ITGA8: variants seen among roughly 807,000 people sequenced by gnomAD.
The protein encoded by ITGA8 is integrin subunit alpha 8, also known as integrin alpha-8.
In ITGA8, 91 loss-of-function variants were observed where a neutral mutation model predicts 142.3. The ratio of observed to expected loss-of-function variants is 0.64; its 90% CI spans 0.54 to 0.76. The LOEUF (loss-of-function observed/expected upper bound fraction) is 0.76. ITGA8 is among the 30% of genes least tolerant of loss of function. ITGA8 has a pLI of 0.00. For missense variants in ITGA8, 1,406 were observed against 1,327.7 expected (o/e 1.06, Z -0.92); for synonymous variants, 505 against 485.2 (o/e 1.04, Z -0.54).
chr10:15,701,719 G>A lies in ITGA8; in HGVS notation c.344-13681C>T, dbSNP rs1490058393. 9.2e-5 allele frequency among the ~76,000 whole-genome samples: 14 copies of A among 152,226 alleles called. No individual in the cohort carries two copies. In the East Asian group the frequency reaches 2.5e-3, roughly 27 times the overall value. The stretch of plus-strand genomic sequence containing the variant: ...ATAATTTTTGAAAACTATTTATAAA[G>A]CCCCTGACCCAGTAGAGAAAACAGT... On this transcript the variant is annotated intron_variant, in intron 2 of 29. Transcript: ENST00000378076.
At chr10:15,711,193 A>G (rs527634057) in intron 2 of ITGA8, among the ~76,000 whole-genome samples, 2 of 152,332 alleles carry the variant, frequency 1.3e-5, no homozygotes, top group East Asian at 3.9e-4. Flanking sequence ...GTTTGCATTC[A>G]CACTCTTCTT....
In ITGA8 at chr10:15,515,622, C is replaced by T. The variant is rs1235617936; in HGVS notation, c.*1536G>A. 4 of 148,764 alleles carry T rather than the reference C, an allele frequency of 2.7e-5. No individual in the cohort carries two copies. Among genetic ancestry groups the T allele is most frequent in the South Asian group, 4.3e-4 (2 of 4,658 alleles). The allele number at this position is 148,764 out of a possible 1,614,324, so 9.2% of individuals were successfully genotyped here. A position where few individuals can be genotyped will look rare whatever the true frequency, so the allele number is the denominator to read the frequency against. On this transcript the variant is annotated 3_prime_UTR_variant, in exon 30 of 30. Transcript: ENST00000378076. The stretch of plus-strand genomic sequence containing the variant: ...TTAGGAAATTAATTAAAAAAAAAAA[C>T]GCCAGTGTAAACATGCTTCAGATAC...
chr10:15,675,445 C>T, intron 6 of ITGA8, among the ~76,000 whole-genome samples: 1 of 152,296 alleles, frequency 6.6e-6, no homozygotes, highest in African/African-American at 2.4e-5. Context: ...ATTTTGCCTC[C>T]AAAGTATTTC....
chr10:15,560,865 G>A (rs1337954714), intron 25 of ITGA8, among the ~76,000 whole-genome samples: 1 of 151,916 alleles, frequency 6.6e-6, no homozygotes, highest in African/African-American at 2.4e-5. Context: ...TTTCTTTTTA[G>A]GTATGATAAT....
At chr10:15,650,877 C>T (rs552222984) in intron 11 of ITGA8, among the ~76,000 whole-genome samples, 3 of 152,126 alleles carry the variant, frequency 2.0e-5, no homozygotes, top group African/African-American at 7.2e-5. Context: ...AATTACATTA[C>T]AGAAATTAAT....
At chr10:15,681,265 G>A (rs1330669574) in intron 4 of ITGA8, among the ~76,000 whole-genome samples, 1 of 152,132 alleles carries the variant, frequency 6.6e-6, no homozygotes, top group African/African-American at 2.4e-5. Flanking sequence ...TGAACAAGCT[G>A]GCTTTGTGTT....
intron 28 of ITGA8, among the ~76,000 whole-genome samples, chr10:15,524,582 A>G (rs1344265193): frequency 6.6e-6 from 1 of 152,224 alleles, no homozygotes; most frequent in African/African-American, 2.4e-5. Flanking sequence ...TCTCTAAATC[A>G]GTAAATGGCA....
intron 13 of ITGA8, among the ~76,000 whole-genome samples, chr10:15,623,744 C>A (rs900112775): frequency 6.6e-6 from 1 of 151,974 alleles, no homozygotes; most frequent in Non-Finnish European, 1.5e-5. Flanking sequence ...TGATAAATTT[C>A]ATCCTTTTTA....
rs1832957489 is a variant in ITGA8 at position 15,516,113 on chromosome 10, T to C, written c.*1045A>G. On this transcript the variant is annotated 3_prime_UTR_variant, in exon 30 of 30. Coordinates refer to ENST00000378076, the MANE Select transcript of ITGA8 (RefSeq NM_003638.3). ...CAAGCTAAATATCTATAAGAAGTGTTGCTTCTTATAGATATTAAAAATAAT... is the reference window on the plus strand; with the variant it reads ...CAAGCTAAATATCTATAAGAAGTGTCGCTTCTTATAGATATTAAAAATAAT... The C allele has an allele frequency of 6.6e-6, 1 of 152,196 alleles. No individual in the cohort carries two copies. Among genetic ancestry groups the C allele is most frequent in the African/African-American group, 2.4e-5 (1 of 41,444 alleles). 9.4% of individuals were successfully genotyped at this position (152,196 alleles called of 1,614,324 possible). A position where few individuals can be genotyped will look rare whatever the true frequency, so the allele number is the denominator to read the frequency against.
At chr10:15,683,268 C>CCCAT (rs1554787133) in intron 4 of ITGA8, among the ~76,000 whole-genome samples, 4 of 109,318 alleles carry the variant, frequency 3.7e-5, no homozygotes, top group Admixed American at 1.2e-4. Flanking sequence ...GATGAATCCA[C>CCCAT]CCATCCATCC....
intron 13 of ITGA8, among the ~76,000 whole-genome samples, chr10:15,632,765 A>C (rs10904605): frequency 6.6e-6 from 1 of 151,802 alleles, no homozygotes; most frequent in Non-Finnish European, 1.5e-5. Context: ...TTGTTAACCA[A>C]TTTTTAACAC....
Position 15,718,841 on chromosome 10 carries a change from C to G in ITGA8, c.268G>C (p.Gly90Arg). Reference sequence around the variant, plus strand: ...CAAGGACAGTAATAGACGGCTCCCCCTTCCACGATATCGGGCTGGCTGGTG... The same window carrying G: ...CAAGGACAGTAATAGACGGCTCCCCGTTCCACGATATCGGGCTGGCTGGTG... ...ANTSQPDIVE[G>R]GAVYYCPWPA... Residue 90 changes from glycine (G) to arginine (R), a missense_variant, in exon 2 of 30, where the codon GGG becomes CGG. Physicochemically the swap from Gly to Arg is moderately radical, Grantham distance 125. Transcript: ENST00000378076. 2 of 1,614,200 alleles carry G rather than the reference C, an allele frequency of 1.2e-6. No homozygotes were observed. Among genetic ancestry groups the G allele is most frequent in the Non-Finnish European group, 1.7e-6 (2 of 1,180,040 alleles).
At chr10:15,581,882 AG>A (rs1834414706) in intron 23 of ITGA8, among the ~76,000 whole-genome samples, 1 of 152,226 alleles carries the variant, frequency 6.6e-6, no homozygotes, top group South Asian at 2.1e-4. Context: ...TTTTCAACAA[AG>A]GTGCCAAAGT....
intron 23 of ITGA8, among the ~76,000 whole-genome samples, chr10:15,578,491 G>A (rs541476455): frequency 1.2e-4 from 18 of 152,090 alleles, no homozygotes; most frequent in Non-Finnish European, 2.2e-4. Flanking sequence ...GGATTCTTGT[G>A]TGAACTTTGG....
intron 22 of ITGA8, among the ~76,000 whole-genome samples, chr10:15,589,528 G>T (rs1832886717): frequency 6.6e-6 from 1 of 152,176 alleles, no homozygotes. Flanking sequence ...TCTATTTGTG[G>T]AAAAGGGATT....
chr10:15,549,878 T>A (rs761051172), intron 26 of ITGA8, among the ~76,000 whole-genome samples: 2 of 152,198 alleles, frequency 1.3e-5, no homozygotes, highest in Non-Finnish European at 2.9e-5. Context: ...GTCTGATAAA[T>A]TGCGGTGAAG....
intron 27 of ITGA8, among the ~76,000 whole-genome samples, chr10:15,546,762 GAA>G (rs1198740927): frequency 2.0e-5 from 3 of 146,858 alleles, no homozygotes; most frequent in Non-Finnish European, 4.5e-5. Flanking sequence ...AAAAGAGAGA[GAA>G]AGAAAAGAGA....
In ITGA8 at chr10:15,719,467, T is replaced by A. The variant is rs878905418; in HGVS notation, c.209+96A>T. 81 of 1,159,152 alleles carry A rather than the reference T, an allele frequency of 7.0e-5. No individual in the cohort carries two copies. In the South Asian group the frequency reaches 1.2e-3, roughly 17 times the overall value. 71.8% of individuals were successfully genotyped at this position (1,159,152 alleles called of 1,614,324 possible). ...CCCCGGGCAGGCGGCAGGACGGGGA[T>A]CCCAGGCTGCGGGGGGACTCCGCGG... is the stretch of plus-strand genomic sequence containing the variant. On this transcript the variant is annotated intron_variant, in intron 1 of 29. Coordinates refer to ENST00000378076, the MANE Select transcript of ITGA8 (RefSeq NM_003638.3).
chr10:15,719,653 T>C lies in ITGA8; in HGVS notation c.119A>G (p.Asn40Ser). 6.6e-7 allele frequency: 1 copy of C among 1,523,756 alleles called. No individual in the cohort carries two copies. Among genetic ancestry groups the C allele is most frequent in the South Asian group, 1.3e-5 (1 of 78,788 alleles). The allele number at this position is 1,523,756 out of a possible 1,614,324, so 94.4% of individuals were successfully genotyped here. ...CACTGTGAGCTTTTCCACGTCCAGG[T>C]TGAACGCCTGACAGGCGGGGGACCA... ...LLWSPACQAF[N>S]LDVEKLTVYS... Residue 40 changes from asparagine to serine, a missense_variant, in exon 1 of 30, where the codon AAC becomes AGC. Physicochemically the swap from Asn to Ser is conservative, Grantham distance 46 (BLOSUM62 1). Transcript: ENST00000378076.
Sources: allele counts gnomAD v4.1 joint callset (sites outside exome capture counted in the v4.1 genomes callset), GRCh38; gene constraint gnomAD v4.1.1; transcripts MANE v1.5; gene names NCBI Gene and HGNC (gene_info 2026-07-23, HGNC 2026-07-21).